FBXO34: variants seen among roughly 807,000 people sequenced by gnomAD.
FBXO34 encodes F-box only protein 34.
Under a neutral mutation model 24.5 loss-of-function variants are expected in FBXO34, and 12 were observed. That is an observed-to-expected ratio of 0.49 (90% CI 0.31 to 0.79). FBXO34 has a LOEUF of 0.79. Ranked by LOEUF, FBXO34 falls within the 30% of genes least tolerant of loss-of-function variation. The pLI is 0.04. For synonymous variants in FBXO34, 320 were observed against 311.9 expected, an observed-to-expected ratio of 1.03 and a Z score of -0.27; for missense variants, 823 against 857.7, an observed-to-expected ratio of 0.96 and a Z score of 0.51.
chr14:55,309,309 G>GGT (rs941540521), intron 1 of FBXO34, among the ~76,000 whole-genome samples: 6 of 152,066 alleles, frequency 3.9e-5, no homozygotes, highest in African/African-American at 1.4e-4. Flanking sequence ...GGAGTGTGGC[G>GGT]GTGTGTGGAT....
At chr14:55,376,891 A>C in the FBXO34 span, among the ~76,000 whole-genome samples, 1 of 152,240 alleles carries the variant, frequency 6.6e-6, no homozygotes, top group African/African-American at 2.4e-5. Flanking sequence ...CGTACAGTAC[A>C]TGCTTTCATG....
At chr14:55,290,408 AAAAT>A (rs1166642236) in intron 1 of FBXO34, among the ~76,000 whole-genome samples, 1 of 152,120 alleles carries the variant, frequency 6.6e-6, no homozygotes, top group East Asian at 1.9e-4. Context: ...AAAAATAAAT[AAAAT>A]AAATAAATTA....
chr14:55,408,713 G>A, the FBXO34 span, among the ~76,000 whole-genome samples: 6 of 152,152 alleles, frequency 3.9e-5, no homozygotes, highest in East Asian at 1.9e-4. Context: ...TGAGGCTGCC[G>A]CATGCCATGA....
At chr14:55,272,355 A>C (rs1232193286) in intron 1 of FBXO34, 1 of 152,244 alleles carries the variant, frequency 6.6e-6, no homozygotes, top group Non-Finnish European at 1.5e-5. Context: ...CGTTGCGAGT[A>C]CAGCTCAGTA....
At chr14:55,430,656 C>T in the FBXO34 span, among the ~76,000 whole-genome samples, 1 of 152,104 alleles carries the variant, frequency 6.6e-6, no homozygotes, top group African/African-American at 2.4e-5. Context: ...CTCAGCCTCC[C>T]CAAGTACTGA....
At chr14:55,301,955 G>A (rs920641015) in intron 1 of FBXO34, among the ~76,000 whole-genome samples, 5 of 152,216 alleles carry the variant, frequency 3.3e-5, no homozygotes, top group Admixed American at 1.3e-4. Context: ...CATTAGATCA[G>A]TTCTAAGCAT....
the FBXO34 span, among the ~76,000 whole-genome samples, chr14:55,405,892 G>C: frequency 5.0e-3 from 763 of 151,940 alleles, 5 homozygotes; most frequent in African/African-American, 0.016. Flanking sequence ...GGGGTGGCGG[G>C]GGGGGCAGGG....
intron 1 of FBXO34, among the ~76,000 whole-genome samples, chr14:55,303,647 ACTTTT>A (rs764507602): frequency 1.0e-4 from 15 of 148,052 alleles, no homozygotes; most frequent in Non-Finnish European, 1.8e-4. Context: ...ATGGGAACAT[ACTTTT>A]CTTTCTTTTT....
downstream of FBXO34, chr14:55,366,761 A>T (rs1884688221): frequency 6.6e-6 from 1 of 152,650 alleles, no homozygotes; most frequent in Admixed American, 6.5e-5. Context: ...GGAAAACATG[A>T]CCAAGTTCTA....
chr14:55,315,583 T>C (rs926494589), intron 1 of FBXO34, among the ~76,000 whole-genome samples: 1 of 152,208 alleles, frequency 6.6e-6, no homozygotes, highest in African/African-American at 2.4e-5. Flanking sequence ...AGGCTGAAAA[T>C]GTCTTACTCT....
At chr14:55,289,016 A>T (rs1454633943) in intron 1 of FBXO34, among the ~76,000 whole-genome samples, 3 of 152,120 alleles carry the variant, frequency 2.0e-5, no homozygotes, top group Non-Finnish European at 2.9e-5. Flanking sequence ...AAGCTACTGC[A>T]CTCCAGCCTG....
chr14:55,356,125 A>C (rs533107981), downstream of FBXO34, among the ~76,000 whole-genome samples: 2 of 152,204 alleles, frequency 1.3e-5, no homozygotes, highest in African/African-American at 4.8e-5. Flanking sequence ...TTGTCCAATC[A>C]CCGCTTCTAA....
the FBXO34 span, chr14:55,414,231 C>G: frequency 6.5e-6 from 4 of 612,348 alleles, no homozygotes; most frequent in Non-Finnish European, 8.5e-6. Flanking sequence ...AATTTTTCTT[C>G]GTTTCTTAGG....
At chr14:55,309,775 A>G (rs1482624919) in intron 1 of FBXO34, among the ~76,000 whole-genome samples, 1 of 152,170 alleles carries the variant, frequency 6.6e-6, no homozygotes, top group African/African-American at 2.4e-5. Flanking sequence ...CATATTTGTA[A>G]TAATTAGAAA....
At chr14:55,288,290 T>C (rs1459648095) in intron 1 of FBXO34, among the ~76,000 whole-genome samples, 1 of 152,166 alleles carries the variant, frequency 6.6e-6, no homozygotes, top group Non-Finnish European at 1.5e-5. Flanking sequence ...GTAAAGAAAT[T>C]TTTTTAATTT....
chr14:55,286,213 C>T (rs1881755457), intron 1 of FBXO34, among the ~76,000 whole-genome samples: 2 of 152,076 alleles, frequency 1.3e-5, no homozygotes, highest in Admixed American at 1.3e-4. Context: ...GGATGTTAGA[C>T]TTCTTGGTTT....
At chr14:55,428,096 C>CTAGTCCA in the FBXO34 span, among the ~76,000 whole-genome samples, 1 of 139,874 alleles carries the variant, frequency 7.1e-6, no homozygotes, top group Non-Finnish European at 1.5e-5. Flanking sequence ...TCCTACCGGC[C>CTAGTCCA]TAGTCCATTT....
intron 1 of FBXO34, among the ~76,000 whole-genome samples, chr14:55,336,864 GCACGCA>G (rs932695746): frequency 7.0e-6 from 1 of 142,852 alleles, no homozygotes; most frequent in African/African-American, 2.7e-5. Flanking sequence ...ATATATACAT[GCACGCA>G]CACACACACA....
chr14:55,315,153 C>T (rs1382721746), intron 1 of FBXO34, among the ~76,000 whole-genome samples: 5 of 152,338 alleles, frequency 3.3e-5, no homozygotes, highest in Non-Finnish European at 7.3e-5. Flanking sequence ...TGTTAAGATT[C>T]ACAGTTAAGC....
Sources: allele counts gnomAD v4.1 joint callset (sites outside exome capture counted in the v4.1 genomes callset), GRCh38; gene constraint gnomAD v4.1.1; transcripts MANE v1.5; gene names NCBI Gene and HGNC (gene_info 2026-07-23, HGNC 2026-07-21).